Variants in MYOZ2 observed in about 807,000 individuals in gnomAD.
The protein encoded by MYOZ2 is myozenin-2.
MYOZ2 carries 19 observed loss-of-function variants against 25.4 expected under a neutral mutation model. The observed-to-expected ratio is 0.75, with a 90% CI of 0.52 to 1.10. The LOEUF is 1.10. Among genes scored for constraint, MYOZ2 ranks in the 50% least tolerant of loss-of-function variants. The probability of loss-of-function intolerance (pLI) is 0.00; values close to 1 mark genes in which losing one functional copy is unlikely to be tolerated. For synonymous variants in MYOZ2, 92 were observed against 106.9 expected, an observed-to-expected ratio of 0.86 and a Z score of 0.86; for missense variants, 270 against 317.9, an observed-to-expected ratio of 0.85 and a Z score of 1.15.
chr4:119,151,128 C>T (rs1741441672), intron 3 of MYOZ2, 87 bp downstream of exon 3: 2 of 1,323,218 alleles, frequency 1.5e-6, no homozygotes, highest in Admixed American at 1.8e-5. Flanking sequence ...AGGAAGTATT[C>T]TATATATTTT....
At chr4:119,185,645 T>C (rs1181529498) in intron 5 of MYOZ2, among the ~76,000 whole-genome samples, 1 of 152,164 alleles carries the variant, frequency 6.6e-6, no homozygotes, top group Non-Finnish European at 1.5e-5. Context: ...GAAATATTGT[T>C]GGTAAAAGTA....
At chr4:119,146,691 T>C (rs1299896436) in intron 2 of MYOZ2, among the ~76,000 whole-genome samples, 6 of 152,240 alleles carry the variant, frequency 3.9e-5, no homozygotes, top group Admixed American at 6.5e-5. Context: ...AAGAAATGTG[T>C]GTTCTATTGT....
At chr4:119,140,073 C>T (rs188125423) in intron 2 of MYOZ2, among the ~76,000 whole-genome samples, 15 of 152,262 alleles carry the variant, frequency 9.9e-5, no homozygotes, top group Non-Finnish European at 1.3e-4. Flanking sequence ...TCAGATTTCA[C>T]ACAGAAAATG....
intron 5 of MYOZ2, among the ~76,000 whole-genome samples, chr4:119,173,550 A>C (rs909435694): frequency 6.6e-6 from 1 of 152,240 alleles, no homozygotes; most frequent in Admixed American, 6.5e-5. Context: ...GACGCCAAAG[A>C]AAAGAAAACT....
chr4:119,173,878 G>C (rs1291607441), intron 5 of MYOZ2, among the ~76,000 whole-genome samples: 1 of 152,236 alleles, frequency 6.6e-6, no homozygotes, highest in Non-Finnish European at 1.5e-5. Flanking sequence ...CCCGCACTCG[G>C]AGCAGCCAGC....
chr4:119,180,507 A>G (rs1428192603), intron 5 of MYOZ2, among the ~76,000 whole-genome samples: 1 of 152,116 alleles, frequency 6.6e-6, no homozygotes, highest in African/African-American at 2.4e-5. Flanking sequence ...AAACTAGATA[A>G]ATATTCTTTT....
At position 119,186,228 on chromosome 4, in the gene MYOZ2, C is replaced by T. The variant is rs1561137857; in HGVS notation, c.*28C>T. 1 of 1,571,082 alleles carries T rather than the reference C, an allele frequency of 6.4e-7. No individual in the cohort carries two copies. The highest frequency in any genetic ancestry group is 8.8e-7 in the Non-Finnish European group (1 of 1,142,588). The stretch of plus-strand genomic sequence containing the variant: ...AGAAAGTTGTATGTGCCACATAAAA[C>T]TCTGAATATAAAAGTTGCTGTTCTA... On this transcript the variant is annotated 3_prime_UTR_variant, in exon 6 of 6. Transcript: ENST00000307128.
At chr4:119,166,893 A>G (rs563898632) in intron 5 of MYOZ2, among the ~76,000 whole-genome samples, 1 of 152,260 alleles carries the variant, frequency 6.6e-6, no homozygotes, top group East Asian at 1.9e-4. Context: ...TAATCAATAC[A>G]TGTTGTGTGT....
chr4:119,148,252 T>A (rs1741353553), intron 2 of MYOZ2, among the ~76,000 whole-genome samples: 1 of 152,188 alleles, frequency 6.6e-6, no homozygotes, highest in Admixed American at 6.5e-5. Context: ...GTAAGTTGTT[T>A]TCCTCTGGTG....
chr4:119,137,655 T>C (rs1209873284), intron 2 of MYOZ2, among the ~76,000 whole-genome samples: 2 of 152,208 alleles, frequency 1.3e-5, no homozygotes, highest in African/African-American at 4.8e-5. Flanking sequence ...TTCTATTTTC[T>C]GCAATACAGA....
At position 119,186,527 on chromosome 4, in the gene MYOZ2, T is replaced by C. The variant is rs1188257109; in HGVS notation, c.*327T>C. 3 of 287,512 alleles carry C rather than the reference T, an allele frequency of 1.0e-5. No individual in the cohort carries two copies. Among genetic ancestry groups the C allele is most frequent in the African/African-American group, 2.3e-5 (1 of 43,950 alleles). 17.8% of individuals were successfully genotyped at this position (287,512 alleles called of 1,614,324 possible). A position where few individuals can be genotyped will look rare whatever the true frequency, so the allele number is the denominator to read the frequency against. ...TCTCATTTTATATGATTTATTACAGTGTAAGTTTTTCAAGTGGAATCTAGA... is the reference window on the plus strand; with the variant it reads ...TCTCATTTTATATGATTTATTACAGCGTAAGTTTTTCAAGTGGAATCTAGA... On this transcript the variant is annotated 3_prime_UTR_variant, in exon 6 of 6. Coordinates refer to ENST00000307128, the MANE Select transcript of MYOZ2 (RefSeq NM_016599.5).
intron 2 of MYOZ2, among the ~76,000 whole-genome samples, chr4:119,149,236 A>G (rs1324540210): frequency 6.6e-6 from 1 of 152,292 alleles, no homozygotes; most frequent in East Asian, 1.9e-4. Context: ...AAGACTGCGG[A>G]GACAAGGAGC....
intron 2 of MYOZ2, among the ~76,000 whole-genome samples, chr4:119,148,778 A>G (rs1561107840): frequency 7.1e-6 from 1 of 140,818 alleles, no homozygotes; most frequent in African/African-American, 2.5e-5. Flanking sequence ...GCAAAAAAAA[A>G]AAAAACCTTT....
intron 5 of MYOZ2, among the ~76,000 whole-genome samples, chr4:119,175,064 C>T (rs1742035270): frequency 6.6e-6 from 1 of 151,910 alleles, no homozygotes; most frequent in Non-Finnish European, 1.5e-5. Context: ...CCAGACACGC[C>T]ACTTTAAGAG....
chr4:119,175,316 A>T (rs999165625), intron 5 of MYOZ2, among the ~76,000 whole-genome samples: 2 of 152,228 alleles, frequency 1.3e-5, no homozygotes, highest in Non-Finnish European at 2.9e-5. Flanking sequence ...GTGCAGAGGG[A>T]TGTGTCTTCT....
intron 4 of MYOZ2, among the ~76,000 whole-genome samples, chr4:119,161,530 C>G (rs957897228): frequency 6.6e-6 from 1 of 151,844 alleles, no homozygotes; most frequent in Non-Finnish European, 1.5e-5. Context: ...AAAAATCAAA[C>G]AAGAAATGTA....
intron 5 of MYOZ2, among the ~76,000 whole-genome samples, chr4:119,182,155 A>G (rs1742195813): frequency 6.6e-6 from 1 of 152,232 alleles, no homozygotes; most frequent in Non-Finnish European, 1.5e-5. Flanking sequence ...TTCTCATGCC[A>G]CTGAAATAAT....
At chr4:119,170,157 T>C (rs1356602511) in intron 5 of MYOZ2, among the ~76,000 whole-genome samples, 1 of 152,090 alleles carries the variant, frequency 6.6e-6, no homozygotes, top group Non-Finnish European at 1.5e-5. Context: ...TCTGTACCCA[T>C]TAAACAATAA....
intron 4 of MYOZ2, among the ~76,000 whole-genome samples, chr4:119,161,486 T>C (rs1185586918): frequency 6.6e-6 from 1 of 152,028 alleles, no homozygotes; most frequent in East Asian, 1.9e-4. Flanking sequence ...AAAAATAAAA[T>C]TTATCTAAAT....
Sources: gnomAD v4.1 joint callset for allele counts (sites outside exome capture counted in the v4.1 genomes callset) on GRCh38, gnomAD v4.1.1 for gene constraint, MANE v1.5 for transcripts, NCBI Gene and HGNC (gene_info 2026-07-23, HGNC 2026-07-21) for gene names.